The following FOXP1 variants were observed in gnomAD, a reference collection of about 807,000 sequenced individuals.
FOXP1 encodes forkhead box P1.
A neutral mutation model predicts 98.2 loss-of-function variants in FOXP1; 15 were observed. The ratio of observed to expected loss-of-function variants is 0.15; its 90% CI spans 0.10 to 0.24. The LOEUF (loss-of-function observed/expected upper bound fraction) is 0.24. Among genes scored for constraint, FOXP1 ranks in the 10% least tolerant of loss-of-function variants. The probability of loss-of-function intolerance (pLI) is 1.00; values close to 1 mark genes in which losing one functional copy is unlikely to be tolerated. For missense variants in FOXP1, 633 were observed against 848.5 expected (o/e 0.75, Z 3.15); for synonymous variants, 371 against 314.5 (o/e 1.18, Z -1.90).
intron 5 of FOXP1, among the ~76,000 whole-genome samples, chr3:71,293,839 G>A (rs902115519): frequency 5.9e-5 from 9 of 152,074 alleles, no homozygotes; most frequent in Non-Finnish European, 8.8e-5. Flanking sequence ...GTCAGTCTAC[G>A]GAAATACACA....
chr3:71,350,609 T>C (rs560675996), intron 4 of FOXP1, among the ~76,000 whole-genome samples: 1 of 152,278 alleles, frequency 6.6e-6, no homozygotes, highest in Non-Finnish European at 1.5e-5. Flanking sequence ...CATGGTAGCA[T>C]TTCTGAGGCA....
At chr3:71,261,863 G>A (rs140802193) in intron 5 of FOXP1, among the ~76,000 whole-genome samples, 1 of 152,246 alleles carries the variant, frequency 6.6e-6, no homozygotes, top group Non-Finnish European at 1.5e-5. Flanking sequence ...TTTCCAATAA[G>A]AGGGTACACA....
intron 3 of FOXP1, among the ~76,000 whole-genome samples, chr3:71,396,962 A>ACACATATATATATG (rs1560424335): frequency 4.0e-5 from 1 of 24,746 alleles, no homozygotes; most frequent in African/African-American, 1.6e-4. Context: ...ATATATATAT[A>ACACATATATATATG]TGTGTGTATA....
intron 4 of FOXP1, among the ~76,000 whole-genome samples, chr3:71,303,462 T>C (rs952991109): frequency 3.3e-5 from 5 of 152,170 alleles, no homozygotes; most frequent in African/African-American, 9.7e-5. Flanking sequence ...TCCAATCAAA[T>C]GGCCTGTACT....
At chr3:71,483,569 CAT>C (rs918297548) in intron 3 of FOXP1, among the ~76,000 whole-genome samples, 16 of 152,158 alleles carry the variant, frequency 1.1e-4, no homozygotes, top group African/African-American at 3.9e-4. Context: ...ACATGAAAAT[CAT>C]GTGAAATTCT....
intron 11 of FOXP1, among the ~76,000 whole-genome samples, chr3:71,039,322 T>TAAAAAAAAATTCA (rs1459432121): frequency 6.6e-6 from 1 of 151,508 alleles, no homozygotes; most frequent in Non-Finnish European, 1.5e-5. Flanking sequence ...ATAAGGACCA[T>TAAAAAAAAATTCA]AAAAAAAAAT....
At chr3:70,975,047 C>A (rs2037204227) in intron 17 of FOXP1, among the ~76,000 whole-genome samples, 1 of 152,160 alleles carries the variant, frequency 6.6e-6, no homozygotes, top group South Asian at 2.1e-4. Context: ...ATGGTACAAA[C>A]AAGGACACGT....
At chr3:71,396,950 G>T (rs1191582512) in intron 3 of FOXP1, among the ~76,000 whole-genome samples, 1 of 50,938 alleles carries the variant, frequency 2.0e-5, no homozygotes, top group African/African-American at 8.5e-5. Context: ...ATATATATGT[G>T]TATATATATA....
At chr3:71,151,250 C>T (rs551599279) in intron 6 of FOXP1, among the ~76,000 whole-genome samples, 14 of 152,294 alleles carry the variant, frequency 9.2e-5, no homozygotes, top group African/African-American at 3.4e-4. Context: ...CATGAGTGGA[C>T]ATTCATGCTG....
intron 6 of FOXP1, among the ~76,000 whole-genome samples, chr3:71,178,587 A>G (rs2062088166): frequency 6.6e-6 from 1 of 152,068 alleles, no homozygotes; most frequent in African/African-American, 2.4e-5. Flanking sequence ...TGCCTCTACT[A>G]AAAATACAAA....
intron 5 of FOXP1, among the ~76,000 whole-genome samples, chr3:71,263,975 T>C (rs1470456535): frequency 6.6e-6 from 1 of 151,926 alleles, no homozygotes; most frequent in Non-Finnish European, 1.5e-5. Flanking sequence ...GGTCTCGAAC[T>C]CTTGGCTTCA....
At chr3:71,130,761 C>T in intron 6 of FOXP1, 1 of 1,444,758 alleles carries the variant, frequency 6.9e-7, no homozygotes, top group Non-Finnish European at 9.1e-7. Context: ...AAAGAAACCA[C>T]AAGAATTCCT....
At chr3:71,243,261 T>G (rs190549303) in intron 5 of FOXP1, among the ~76,000 whole-genome samples, 1 of 152,336 alleles carries the variant, frequency 6.6e-6, no homozygotes, top group Non-Finnish European at 1.5e-5. Flanking sequence ...GATAGAAACT[T>G]AGGGGCTGCT....
chr3:71,355,312 G>A (rs2078077047), intron 4 of FOXP1, among the ~76,000 whole-genome samples: 1 of 152,166 alleles, frequency 6.6e-6, no homozygotes, highest in Non-Finnish European at 1.5e-5. Context: ...CACTGAATAC[G>A]ACCTACTTCT....
Position 71,493,502 on chromosome 3 carries a change from T to C in FOXP1, c.-244A>G, listed in dbSNP as rs867146132. The C allele has an allele frequency of 1.3e-5, 2 of 152,224 alleles. No homozygotes were observed. Among genetic ancestry groups the C allele is most frequent in the South Asian group, 2.1e-4 (1 of 4,836 alleles). The allele number at this position is 152,224 out of a possible 1,614,324, so 9.4% of individuals were successfully genotyped here. ...AGAGAAGGGATCGAAGCCCTCACCA[T>C]TGCCGAAATGTTTTGTTCGGAAACT... On this transcript the variant is annotated 5_prime_UTR_variant, in exon 3 of 21. The change abolishes an upstream ATG in the 5' untranslated region. Transcript: ENST00000649528.
intron 3 of FOXP1, among the ~76,000 whole-genome samples, chr3:71,416,360 A>AC (rs372389861): frequency 0.012 from 1,857 of 151,954 alleles, 41 homozygotes; most frequent in African/African-American, 0.042. Flanking sequence ...ATACAGTAAG[A>AC]CCCCATCTCT....
At chr3:71,429,382 T>C (rs2084472197) in intron 3 of FOXP1, among the ~76,000 whole-genome samples, 1 of 151,504 alleles carries the variant, frequency 6.6e-6, no homozygotes, top group Non-Finnish European at 1.5e-5. Flanking sequence ...TTTTTTTTCT[T>C]GGTTTGCTCT....
intron 5 of FOXP1, among the ~76,000 whole-genome samples, chr3:71,205,012 A>G (rs1576371325): frequency 1.3e-5 from 2 of 152,224 alleles, no homozygotes; most frequent in African/African-American, 2.4e-5. Flanking sequence ...TTTCATAATT[A>G]TAACAGAAAG....
At chr3:71,275,719 T>C (rs2070810695) in intron 5 of FOXP1, among the ~76,000 whole-genome samples, 1 of 152,222 alleles carries the variant, frequency 6.6e-6, no homozygotes, top group African/African-American at 2.4e-5. Flanking sequence ...CTTAGTGGTG[T>C]ATGTGAGGCT....
Sources: allele counts gnomAD v4.1 joint callset (sites outside exome capture counted in the v4.1 genomes callset), GRCh38; gene constraint gnomAD v4.1.1; transcripts MANE v1.5; gene names NCBI Gene and HGNC (gene_info 2026-07-23, HGNC 2026-07-21).